Variants in WASF3 observed in about 807,000 individuals in gnomAD.
The protein encoded by WASF3 is WASP family member 3.
In WASF3, 11 loss-of-function variants were observed where a neutral mutation model predicts 46.6. The ratio of observed to expected loss-of-function variants is 0.24; its 90% CI spans 0.15 to 0.39. WASF3 has a LOEUF of 0.39. WASF3 is among the 10% of genes least tolerant of loss of function. The pLI, the probability that WASF3 is intolerant of heterozygous loss-of-function variation, is 1.00. For synonymous variants in WASF3, 242 were observed against 259.7 expected, an observed-to-expected ratio of 0.93 and a Z score of 0.65; for missense variants, 576 against 669.8, an observed-to-expected ratio of 0.86 and a Z score of 1.55.
upstream of WASF3, among the ~76,000 whole-genome samples, chr13:26,555,696 A>G (rs992535977): frequency 6.6e-6 from 1 of 152,236 alleles, no homozygotes; most frequent in Non-Finnish European, 1.5e-5. Flanking sequence ...TAGCAGAGAC[A>G]ATGGCTAGAA....
At chr13:26,549,762 T>C in the WASF3 span, among the ~76,000 whole-genome samples, 1 of 152,202 alleles carries the variant, frequency 6.6e-6, no homozygotes, top group East Asian at 1.9e-4. Context: ...GAAAAGCCAT[T>C]GCATAAATAA....
intron 1 of WASF3, among the ~76,000 whole-genome samples, chr13:26,561,687 A>C (rs1044832488): frequency 6.6e-6 from 1 of 152,242 alleles, no homozygotes; most frequent in South Asian, 2.1e-4. Flanking sequence ...AGGAAAACAC[A>C]TAGTTCCGTC....
intron 6 of WASF3, among the ~76,000 whole-genome samples, chr13:26,673,811 A>G (rs1461394960): frequency 6.6e-6 from 1 of 152,210 alleles, no homozygotes; most frequent in Non-Finnish European, 1.5e-5. Flanking sequence ...AGTGAAGGAC[A>G]AGTACAGAGC....
intron 1 of WASF3, among the ~76,000 whole-genome samples, chr13:26,559,808 CTTTTTTTTTTTT>C (rs770616922): frequency 2.7e-5 from 2 of 73,434 alleles, no homozygotes; most frequent in Non-Finnish European, 2.5e-5. Context: ...TTCTTTCTTT[CTTTTTTTTTTTT>C]TTTTTTTTTT....
intron 1 of WASF3, among the ~76,000 whole-genome samples, chr13:26,609,805 C>G (rs571162505): frequency 6.6e-6 from 1 of 152,242 alleles, no homozygotes; most frequent in African/African-American, 2.4e-5. Flanking sequence ...TTCATTTATT[C>G]AAATATTTGA....
upstream of WASF3, among the ~76,000 whole-genome samples, chr13:26,553,774 G>A (rs986742736): frequency 1.3e-5 from 2 of 150,476 alleles, no homozygotes; most frequent in African/African-American, 2.5e-5. Flanking sequence ...CCGAGATCAC[G>A]CCACTGCACT....
intron 1 of WASF3, chr13:26,576,955 C>A: frequency 1.3e-6 from 1 of 744,776 alleles, no homozygotes; most frequent in Non-Finnish European, 2.4e-6. Flanking sequence ...AGTGGTTGAT[C>A]CATTTTCTAA....
rs73166101 is a variant in WASF3, at chr13:26,611,670, T to C, written c.-108-1291T>C. On this transcript the variant is annotated intron_variant, in intron 1 of 9. Coordinates refer to ENST00000335327, the MANE Select transcript of WASF3 (RefSeq NM_006646.6). ...TTTTCTGTATTTGGAAATAAGGTGA[T>C]CACTTATGCAGATTACTTAGGAAAA... Among the ~76,000 whole-genome samples, 836 of 152,304 alleles carry C rather than the reference T, an allele frequency of 5.5e-3. 3 individuals are homozygous for C. Among genetic ancestry groups the C allele is most frequent in the Middle Eastern group, 0.014 (4 of 294 alleles).
At chr13:26,633,696 T>C (rs1219903665) in intron 2 of WASF3, among the ~76,000 whole-genome samples, 1 of 152,214 alleles carries the variant, frequency 6.6e-6, no homozygotes, top group African/African-American at 2.4e-5. Flanking sequence ...TGTGTCTTTG[T>C]TCTCATTGGT....
intron 3 of WASF3, among the ~76,000 whole-genome samples, chr13:26,654,165 G>A (rs1882399853): frequency 6.6e-6 from 1 of 152,108 alleles, no homozygotes. Flanking sequence ...AACACAAAGG[G>A]AAGGGCATCT....
chr13:26,599,181 T>TTGC (rs1880569422), intron 1 of WASF3, among the ~76,000 whole-genome samples: 1 of 90,450 alleles, frequency 1.1e-5, no homozygotes, highest in Admixed American at 1.2e-4. Context: ...CTTCTTTTCA[T>TTGC]TTCTTTTTTT....
Position 26,655,634 on chromosome 13 carries a change from A to AT in WASF3, c.134-9387dup, listed in dbSNP as rs58536067. Among the ~76,000 whole-genome samples, 28 of 152,176 alleles carry AT rather than the reference A, an allele frequency of 1.8e-4. No homozygotes were observed. The East Asian group carries it at 4.1e-3, about 22-fold the overall frequency. On this transcript the variant is annotated intron_variant, in intron 3 of 9. Coordinates refer to ENST00000335327, the MANE Select transcript of WASF3 (RefSeq NM_006646.6). ...TTGCTGTGGTGGTTGCAGAATGGTG[A>AT]TTTTTTTGTCATGCCATAATTTCTT...
At chr13:26,564,900 G>GTTTTTTTTTTTTTTTTTTTTT (rs66809412) in intron 1 of WASF3, among the ~76,000 whole-genome samples, 7 of 81,634 alleles carry the variant, frequency 8.6e-5, no homozygotes, top group African/African-American at 2.4e-4. Context: ...CAAGGTTGTG[G>GTTTTTTTTTTTTTTTTTTTTT]TTTTTTTTTT....
intron 1 of WASF3, among the ~76,000 whole-genome samples, chr13:26,562,170 G>A (rs1174270310): frequency 1.3e-5 from 2 of 152,216 alleles, no homozygotes; most frequent in African/African-American, 4.8e-5. Flanking sequence ...AGTAGATGAG[G>A]TCATTTGAGG....
intron 3 of WASF3, among the ~76,000 whole-genome samples, chr13:26,664,428 G>C (rs1049612078): frequency 6.6e-6 from 1 of 152,170 alleles, no homozygotes; most frequent in Non-Finnish European, 1.5e-5. Context: ...TAAGAAAAGT[G>C]GGAGTTATAT....
At chr13:26,636,030 A>G (rs1881807161) in intron 2 of WASF3, among the ~76,000 whole-genome samples, 2 of 152,250 alleles carry the variant, frequency 1.3e-5, no homozygotes, top group Non-Finnish European at 2.9e-5. Flanking sequence ...TGGGAGAACC[A>G]CTGCTCTCTT....
In WASF3 at chr13:26,630,962, T is replaced by C. The variant is rs575936267; in HGVS notation, c.-10-11299T>C. On this transcript the variant is annotated intron_variant, in intron 2 of 9. Coordinates refer to ENST00000335327, the MANE Select transcript of WASF3 (RefSeq NM_006646.6). ...TGTTGGCTGCATAAATGTCTTCTTT[T>C]GAGAAGTGTCTGTTCATATCCTTTG... 9.9e-4 allele frequency among the ~76,000 whole-genome samples: 151 copies of C among 152,364 alleles called. 1 individual carries two copies. The highest frequency in any genetic ancestry group is 1.1e-3 in the Non-Finnish European group (76 of 68,034).
Position 26,682,002 on chromosome 13 carries a change from GCT to G in WASF3, c.984-601_984-600del, listed in dbSNP as rs1396526985. On this transcript the variant is annotated intron_variant, in intron 8 of 9. Coordinates refer to ENST00000335327, the MANE Select transcript of WASF3 (RefSeq NM_006646.6). This position sits in a 1 kb window ranked among gnomAD's most constrained non-coding sequence, Gnocchi z 4.4. ...GAATGACAATCCTGCTCTCAGAAGT[GCT>G]CTCCCTGGCCATGCATGCCAAGTCA... Among the ~76,000 whole-genome samples the G allele has an allele frequency of 6.6e-6, 1 of 152,204 alleles. No individual in the cohort carries two copies.
intron 1 of WASF3, among the ~76,000 whole-genome samples, chr13:26,562,942 TTTA>T (rs1233148365): frequency 1.3e-5 from 2 of 149,668 alleles, no homozygotes; most frequent in African/African-American, 4.9e-5. Flanking sequence ...TAGCAGTGAC[TTTA>T]TTTTCTCTTT....
Sources: allele counts gnomAD v4.1 joint callset (sites outside exome capture counted in the v4.1 genomes callset), GRCh38; gene constraint gnomAD v4.1.1; non-coding constraint Gnocchi (gnomAD v3.1); transcripts MANE v1.5; gene names NCBI Gene and HGNC (gene_info 2026-07-23, HGNC 2026-07-21).